Variants in MMP24 observed in about 807,000 individuals in gnomAD.
MMP24 encodes matrix metallopeptidase 24.
In MMP24, 25 loss-of-function variants were observed where a neutral mutation model predicts 62.8. The observed-to-expected ratio is 0.40, with a 90% CI of 0.29 to 0.56. The LOEUF (loss-of-function observed/expected upper bound fraction) is 0.56, where lower values mean the gene tolerates loss of function less well. Among genes scored for constraint, MMP24 ranks in the 20% least tolerant of loss-of-function variants. MMP24 has a pLI of 0.50. For synonymous variants in MMP24, 319 were observed against 350.5 expected (o/e 0.91, Z 1.00); for missense variants, 634 against 853.6 (o/e 0.74, Z 3.21).
chr20:35,244,735 C>T (rs1283440754), intron 1 of MMP24, among the ~76,000 whole-genome samples: 3 of 150,318 alleles, frequency 2.0e-5, no homozygotes, highest in Admixed American at 6.7e-5. Context: ...CCACCGCGCC[C>T]AGCCGGGAAT....
chr20:35,268,699 C>G (rs1334169479), intron 6 of MMP24, among the ~76,000 whole-genome samples: 1 of 152,228 alleles, frequency 6.6e-6, no homozygotes, highest in East Asian at 1.9e-4. Context: ...TAGGCAGGTC[C>G]GGGTTTTATC....
chr20:35,249,321 G>A (rs2060532603), intron 2 of MMP24, among the ~76,000 whole-genome samples: 1 of 152,184 alleles, frequency 6.6e-6, no homozygotes, highest in African/African-American at 2.4e-5. Flanking sequence ...GCCATTTAAA[G>A]TCCTATGTTT....
At chr20:35,254,211 C>T (rs1053594557) in intron 3 of MMP24, among the ~76,000 whole-genome samples, 1 of 152,100 alleles carries the variant, frequency 6.6e-6, no homozygotes, top group East Asian at 1.9e-4. Flanking sequence ...ATCCTTTATT[C>T]GACACAGCTT....
At chr20:35,251,740 C>G (rs567358029) in intron 2 of MMP24, among the ~76,000 whole-genome samples, 165 bp from the exon 3 acceptor site, 1 of 152,296 alleles carries the variant, frequency 6.6e-6, no homozygotes, top group South Asian at 2.1e-4. Flanking sequence ...ATTAATGAAT[C>G]AATCAATCAT....
At chr20:35,244,583 G>C (rs934727310) in intron 1 of MMP24, among the ~76,000 whole-genome samples, 8 of 152,080 alleles carry the variant, frequency 5.3e-5, no homozygotes, top group Non-Finnish European at 7.4e-5. Flanking sequence ...TGAGATTACA[G>C]GCACCCGTCA....
intron 4 of MMP24, 71 bp from the exon 5 acceptor site, chr20:35,263,720 G>A (rs2060616460): frequency 7.5e-7 from 1 of 1,325,498 alleles, no homozygotes; most frequent in Non-Finnish European, 1.0e-6. Context: ...TGTTTGCTGA[G>A]GTAATGGGTT....
chr20:35,229,731 C>T (rs144113431), intron 1 of MMP24, among the ~76,000 whole-genome samples: 30 of 152,276 alleles, frequency 2.0e-4, no homozygotes, highest in Non-Finnish European at 4.0e-4. Context: ...TTATTGATAA[C>T]GCATCCTTAC....
chr20:35,241,321 G>GAC (rs139378243), intron 1 of MMP24, among the ~76,000 whole-genome samples: 20 of 151,812 alleles, frequency 1.3e-4, no homozygotes, highest in Non-Finnish European at 2.2e-4. Flanking sequence ...CAGACACACA[G>GAC]ACACACACAC....
In MMP24 at chr20:35,254,715, T is replaced by A. The variant is rs2060566021; in HGVS notation, c.778T>A (p.Ser260Thr). ...GATTGGAGGAGACACCCACTTTGAC[T>A]CCGATGAGCCATGGACGCTAGGAAA... ...PGIGGDTHFD[S>T]DEPWTLGNAN... Residue 260 changes from serine to threonine, a missense_variant, in exon 4 of 9, where the codon TCC (serine) becomes ACC (threonine). Transcript: ENST00000246186. The A allele has an allele frequency of 1.9e-6, 3 of 1,613,928 alleles. No homozygotes were observed. Among genetic ancestry groups the A allele is most frequent in the Non-Finnish European group, 2.5e-6 (3 of 1,179,996 alleles).
At chr20:35,229,348 C>A (rs1234831761) in intron 1 of MMP24, among the ~76,000 whole-genome samples, 3 of 152,100 alleles carry the variant, frequency 2.0e-5, no homozygotes, top group African/African-American at 7.2e-5. Flanking sequence ...GAGACAGGTC[C>A]CAGCATGGTC....
intron 1 of MMP24, among the ~76,000 whole-genome samples, chr20:35,243,176 C>T (rs1293645011): frequency 6.6e-6 from 1 of 151,884 alleles, no homozygotes; most frequent in Admixed American, 6.6e-5. Flanking sequence ...AAGACTTCAT[C>T]TCAAAAAAAG....
At chr20:35,230,084 G>A (rs1325179657) in intron 1 of MMP24, among the ~76,000 whole-genome samples, 1 of 152,104 alleles carries the variant, frequency 6.6e-6, no homozygotes, top group Non-Finnish European at 1.5e-5. Context: ...CCGCCTCCCA[G>A]GTTCAAGCGA....
intron 2 of MMP24, 62 bp downstream of exon 2, chr20:35,247,050 T>C (rs1240159163): frequency 2.3e-5 from 37 of 1,585,934 alleles, no homozygotes; most frequent in Non-Finnish European, 2.9e-5. Context: ...GGTTCACATT[T>C]GTCATGGCCT....
chr20:35,259,934 T>A (rs950199428), intron 4 of MMP24, among the ~76,000 whole-genome samples: 1 of 152,152 alleles, frequency 6.6e-6, no homozygotes, highest in Non-Finnish European at 1.5e-5. Flanking sequence ...CACATCCCTA[T>A]GACGAAGGTG....
chr20:35,230,959 C>T (rs1401971034), intron 1 of MMP24, among the ~76,000 whole-genome samples: 2 of 152,224 alleles, frequency 1.3e-5, no homozygotes, highest in African/African-American at 2.4e-5. Flanking sequence ...ACCCCACAAC[C>T]CCCGACCCCT....
intron 1 of MMP24, among the ~76,000 whole-genome samples, chr20:35,235,599 G>A (rs1242663274): frequency 6.6e-6 from 1 of 152,178 alleles, no homozygotes; most frequent in African/African-American, 2.4e-5. Flanking sequence ...TTAGGAGGCT[G>A]AGGCAGGAGA....
intron 5 of MMP24, among the ~76,000 whole-genome samples, chr20:35,264,520 C>T (rs1403261459): frequency 6.6e-6 from 1 of 151,598 alleles, no homozygotes; most frequent in East Asian, 1.9e-4. Flanking sequence ...GGTGAAACCC[C>T]ATCTCTACCA....
At chr20:35,252,159 G>C in intron 3 of MMP24, 138 bp downstream of exon 3, 1 of 689,556 alleles carries the variant, frequency 1.5e-6, no homozygotes, top group Non-Finnish European at 2.5e-6. Flanking sequence ...CAGGCATGTG[G>C]GCATTGGCAC....
At chr20:35,243,306 C>G (rs2060498163) in intron 1 of MMP24, among the ~76,000 whole-genome samples, 1 of 152,110 alleles carries the variant, frequency 6.6e-6, no homozygotes, top group South Asian at 2.1e-4. Context: ...CCCTGAGTTC[C>G]CCTTTCTCTG....
Sources: gnomAD v4.1 joint callset for allele counts (sites outside exome capture counted in the v4.1 genomes callset) on GRCh38, gnomAD v4.1.1 for gene constraint, MANE v1.5 for transcripts, NCBI Gene and HGNC (gene_info 2026-07-23, HGNC 2026-07-21) for gene names.